WDFY4: variants seen among roughly 807,000 people sequenced by gnomAD.
WDFY4 encodes the protein WDFY family member 4.
WDFY4 carries 169 observed loss-of-function variants against 351.9 expected under a neutral mutation model. That is an observed-to-expected ratio of 0.48 (90% confidence interval 0.42 to 0.55). WDFY4 has a LOEUF of 0.55. Among genes scored for constraint, WDFY4 ranks in the 20% least tolerant of loss-of-function variants. The pLI is 0.00. For missense variants in WDFY4, 3,803 were observed against 3,935.6 expected (o/e 0.97, Z 0.90); for synonymous variants, 1,622 against 1,574.6 (o/e 1.03, Z -0.71).
intron 26 of WDFY4, 83 bp downstream of exon 26, chr10:48,805,504 T>C: frequency 2.7e-6 from 4 of 1,475,068 alleles, no homozygotes; most frequent in Non-Finnish European, 3.6e-6. Context: ...TCTCTCCCCA[T>C]TGTGCTCAAC....
intron 39 of WDFY4, among the ~76,000 whole-genome samples, chr10:48,863,869 C>A (rs141336703): frequency 6.6e-6 from 1 of 152,236 alleles, no homozygotes; most frequent in African/African-American, 2.4e-5. Context: ...AACCAAGGCA[C>A]CTTCTTCACA....
chr10:48,957,162 C>T lies in WDFY4; in HGVS notation c.8011C>T (p.His2671Tyr). The change falls in exon 52 of 62, where the codon CAC (histidine) becomes TAC (tyrosine). Residue 2671 changes from histidine to tyrosine, a missense_variant. His to Tyr is a moderately conservative substitution (Grantham distance 83). This residue lies in a region of WDFY4 where 3,054 missense variants were observed against 3,148.6 expected (regional missense o/e 0.97). Coordinates refer to ENST00000325239, the MANE Select transcript of WDFY4 (RefSeq NM_001394531.1). ...GSFDVADRMF[H>Y]SVKSTWESAS... ...CTTCGACGTGGCAGACAGAATGTTC[C>T]ACAGTGTGAAGAGCACGTGGGAGTC... 6.4e-7 allele frequency: 1 copy of T among 1,551,546 alleles called. No individual in the cohort carries two copies. The highest frequency in any genetic ancestry group is 1.2e-5 in the South Asian group (1 of 84,056).
intron 47 of WDFY4, among the ~76,000 whole-genome samples, chr10:48,906,700 C>A (rs533630663): frequency 1.3e-5 from 2 of 152,356 alleles, no homozygotes; most frequent in Admixed American, 1.3e-4. Context: ...GATAAACACA[C>A]ATCCTCACAC....
At chr10:48,958,600 G>A (rs1436214041) in intron 52 of WDFY4, among the ~76,000 whole-genome samples, 2 of 152,128 alleles carry the variant, frequency 1.3e-5, no homozygotes, top group African/African-American at 2.4e-5. Flanking sequence ...CTGTATATAG[G>A]GACCTTTTTT....
intron 13 of WDFY4, among the ~76,000 whole-genome samples, chr10:48,763,827 C>T (rs1215508907): frequency 2.0e-5 from 3 of 152,334 alleles, no homozygotes; most frequent in Non-Finnish European, 4.4e-5. Flanking sequence ...GATGCCAAAT[C>T]AGCAGCTATT....
At chr10:48,947,032 C>T in intron 51 of WDFY4, 63 bp downstream of exon 51, 4 of 1,289,916 alleles carry the variant, frequency 3.1e-6, no homozygotes, top group Non-Finnish European at 4.3e-6. Flanking sequence ...ACGCCTGTAT[C>T]ACAAGACTAA....
intron 36 of WDFY4, among the ~76,000 whole-genome samples, chr10:48,828,143 T>C (rs2068066711): frequency 6.6e-6 from 1 of 152,230 alleles, no homozygotes; most frequent in South Asian, 2.1e-4. Flanking sequence ...TTGGTTTGTG[T>C]CATAATGGCC....
At chr10:48,978,230 T>G in intron 59 of WDFY4, 79 bp from the exon 60 acceptor site, 1 of 1,434,660 alleles carries the variant, frequency 7.0e-7, no homozygotes. Flanking sequence ...CCCCTAGGCG[T>G]GAGGAAATGG....
chr10:48,882,318 G>A (rs1005231921), intron 43 of WDFY4, among the ~76,000 whole-genome samples: 5 of 152,208 alleles, frequency 3.3e-5, no homozygotes. Context: ...GCTTGGCACA[G>A]GGCAAAGTGC....
At chr10:48,795,507 A>ATATC (rs2066832746) in intron 23 of WDFY4, among the ~76,000 whole-genome samples, 1 of 101,406 alleles carries the variant, frequency 9.9e-6, no homozygotes, top group East Asian at 6.2e-4. Flanking sequence ...ATATATATAT[A>ATATC]TATATATATA....
chr10:48,797,113 G>T (rs908751740), intron 24 of WDFY4, among the ~76,000 whole-genome samples: 9 of 152,214 alleles, frequency 5.9e-5, no homozygotes, highest in African/African-American at 2.2e-4. Context: ...GAGTGGGAGT[G>T]AGCAGGCAGT....
At position 48,707,281 on chromosome 10, in the gene WDFY4, G is replaced by A. The variant is rs532780395; in HGVS notation, c.-17-2435G>A. 2.6e-5 allele frequency among the ~76,000 whole-genome samples: 4 copies of A among 152,284 alleles called. No individual in the cohort carries two copies. The South Asian group carries it at 8.3e-4, about 32-fold the overall frequency. On this transcript the variant is annotated intron_variant, in intron 1 of 61. Coordinates refer to ENST00000325239, the MANE Select transcript of WDFY4 (RefSeq NM_001394531.1). ...AAAGCTGGGTGATGCCAAGCAGGGTGGTAATGAGGTCACTGAAGAGCCTTC... is the reference window on the plus strand; with the variant it reads ...AAAGCTGGGTGATGCCAAGCAGGGTAGTAATGAGGTCACTGAAGAGCCTTC...
chr10:48,869,227 G>A (rs1359193526), intron 40 of WDFY4, among the ~76,000 whole-genome samples: 1 of 152,114 alleles, frequency 6.6e-6, no homozygotes, highest in Non-Finnish European at 1.5e-5. Flanking sequence ...GAAAAGTCAG[G>A]TCCAAACTCT....
chr10:48,873,476 G>C lies in WDFY4; in HGVS notation c.6742-15G>C. ...AGGCAAATGTATCCAGGGTGACTCTGTTTCTGCTCCCCAGAGGCGAAAATG... is the reference window on the plus strand; with the variant it reads ...AGGCAAATGTATCCAGGGTGACTCTCTTTCTGCTCCCCAGAGGCGAAAATG... On this transcript the variant is annotated splice_polypyrimidine_tract_variant and intron_variant, in intron 40 of 61. Transcript: ENST00000325239. 3 of 1,537,890 alleles carry C rather than the reference G, an allele frequency of 2.0e-6. No individual in the cohort carries two copies. Among genetic ancestry groups the C allele is most frequent in the Non-Finnish European group, 2.6e-6 (3 of 1,140,658 alleles).
intron 49 of WDFY4, among the ~76,000 whole-genome samples, chr10:48,943,696 G>C (rs1044221327): frequency 3.9e-5 from 6 of 152,080 alleles, no homozygotes; most frequent in Admixed American, 3.3e-4. Context: ...GGGTTCAAGC[G>C]ATTCTCCTGC....
chr10:48,969,888 G>A (rs1450024537), intron 56 of WDFY4, among the ~76,000 whole-genome samples: 6 of 152,118 alleles, frequency 3.9e-5, no homozygotes, highest in Middle Eastern at 6.8e-3. Flanking sequence ...AAGCCACCCC[G>A]TGCTGGTGCT....
rs1277951615 is a variant in WDFY4, at chr10:48,777,438, C to T, written c.3118C>T (p.Leu1040=). ...TTCCAGCTGTTTGTTTATTCCAACC[C>T]TGTCCACAGTTATGGGAACCAGCAC... The part of the protein sequence containing the change: ...EGYGCLFIPT[L]STVMGTSTEY... The change falls in exon 17 of 62, where the codon CTG becomes TTG. Residue 1040 remains leucine (L), a synonymous_variant. Coordinates refer to ENST00000325239, the MANE Select transcript of WDFY4 (RefSeq NM_001394531.1). The T allele has an allele frequency of 6.4e-7, 1 of 1,551,630 alleles. No homozygotes were observed. The highest frequency in any genetic ancestry group is 8.7e-7 in the Non-Finnish European group (1 of 1,147,020).
intron 54 of WDFY4, among the ~76,000 whole-genome samples, 186 bp downstream of exon 54, chr10:48,964,240 T>G (rs902466283): frequency 6.6e-6 from 1 of 152,250 alleles, no homozygotes; most frequent in Non-Finnish European, 1.5e-5. Flanking sequence ...TATGATGACA[T>G]CATTAGTGAA....
intron 20 of WDFY4, 65 bp from the exon 21 acceptor site, chr10:48,788,465 G>C (rs2066568575): frequency 6.7e-7 from 1 of 1,500,630 alleles, no homozygotes; most frequent in African/African-American, 1.4e-5. Context: ...ATATTAAATT[G>C]TATGAGGATT....
Sources: gnomAD v4.1 joint callset for allele counts (sites outside exome capture counted in the v4.1 genomes callset) on GRCh38, gnomAD v4.1.1 for gene constraint, gnomAD v4.1.1 regional missense constraint, MANE v1.5 for transcripts, NCBI Gene and HGNC (gene_info 2026-07-23, HGNC 2026-07-21) for gene names.